Variants in MALRD1 observed in about 807,000 individuals in gnomAD.
The protein encoded by MALRD1 is MAM and LDL-receptor class A domain-containing protein 1.
In MALRD1, 247 loss-of-function variants were observed where a neutral mutation model predicts 242.1. The observed-to-expected ratio is 1.02, with a 90% CI of 0.92 to 1.13. The LOEUF (loss-of-function observed/expected upper bound fraction) is 1.13, where lower values mean the gene tolerates loss of function less well. MALRD1 is among the 50% of genes most tolerant of loss of function. The pLI is 0.00. For synonymous variants in MALRD1, 995 were observed against 866.6 expected (o/e 1.15, Z -2.60); for missense variants, 2,989 against 2,533.1 (o/e 1.18, Z -3.86).
rs565145039 is a variant in MALRD1 at position 19,673,072 on chromosome 10, C to A, written c.6138-19210C>A. Among the ~76,000 whole-genome samples, 3 of 152,218 alleles carry A rather than the reference C, an allele frequency of 2.0e-5. No individual in the cohort carries two copies. The South Asian group carries it at 6.2e-4, about 32-fold the overall frequency. On this transcript the variant is annotated intron_variant, in intron 36 of 39. Coordinates refer to ENST00000454679, the MANE Select transcript of MALRD1 (RefSeq NM_001142308.3). ...TTTTACTTCTCTCCCACAAGGTCCTCTGCTTTTTATACAAATTTATTTGCC... is the reference window on the plus strand; with the variant it reads ...TTTTACTTCTCTCCCACAAGGTCCTATGCTTTTTATACAAATTTATTTGCC...
intron 36 of MALRD1, among the ~76,000 whole-genome samples, chr10:19,661,237 G>C (rs1179447194): frequency 6.6e-6 from 1 of 152,144 alleles, no homozygotes; most frequent in Non-Finnish European, 1.5e-5. Context: ...CGATTCCTCA[G>C]GGATCTAGAA....
chr10:19,499,593 G>A (rs1299650341), intron 31 of MALRD1, among the ~76,000 whole-genome samples: 3 of 152,230 alleles, frequency 2.0e-5, no homozygotes, highest in South Asian at 2.1e-4. Flanking sequence ...ATAATGTCAT[G>A]AGCCAATTCC....
chr10:19,275,386 C>T (rs988820064), intron 19 of MALRD1, among the ~76,000 whole-genome samples: 2 of 152,028 alleles, frequency 1.3e-5, no homozygotes, highest in Non-Finnish European at 2.9e-5. Context: ...AATCAGAAAT[C>T]GGCCGGGTGC....
chr10:19,199,598 C>T (rs1836430052), intron 14 of MALRD1, among the ~76,000 whole-genome samples: 1 of 152,030 alleles, frequency 6.6e-6, no homozygotes, highest in Admixed American at 6.6e-5. Context: ...GTCAGGAGTT[C>T]AAAACCAGCC....
intron 4 of MALRD1, among the ~76,000 whole-genome samples, chr10:19,098,414 CAAA>C (rs1053556975): frequency 1.3e-5 from 2 of 152,066 alleles, no homozygotes; most frequent in African/African-American, 4.8e-5. Flanking sequence ...TTAATAAAGA[CAAA>C]AGATGAGCTT....
intron 5 of MALRD1, among the ~76,000 whole-genome samples, chr10:19,110,354 GT>G (rs1203629018): frequency 6.6e-6 from 1 of 152,198 alleles, no homozygotes; most frequent in Non-Finnish European, 1.5e-5. Flanking sequence ...ACTGGAACAT[GT>G]AAAGTTCTCG....
chr10:19,555,350 G>A (rs149816597), intron 32 of MALRD1, among the ~76,000 whole-genome samples: 26 of 152,226 alleles, frequency 1.7e-4, no homozygotes, highest in East Asian at 1.5e-3. Flanking sequence ...GTAAAGTAGC[G>A]TAGGAGGATT....
At chr10:19,624,614 C>T (rs1839563003) in intron 36 of MALRD1, among the ~76,000 whole-genome samples, 1 of 151,924 alleles carries the variant, frequency 6.6e-6, no homozygotes, top group Non-Finnish European at 1.5e-5. Flanking sequence ...ACCTATAATC[C>T]CAGCACTTTG....
chr10:19,124,525 G>A lies in MALRD1; in HGVS notation c.798G>A (p.Leu266=), dbSNP rs1359932765. 2.4e-6 allele frequency: 3 copies of A among 1,233,680 alleles called. No individual in the cohort carries two copies. Among genetic ancestry groups the A allele is most frequent in the Non-Finnish European group, 3.0e-6 (3 of 988,088 alleles). 76.4% of individuals were successfully genotyped at this position (1,233,680 alleles called of 1,614,324 possible). The stretch of plus-strand genomic sequence containing the variant: ...CCAAGATCTTTTTCTCCCGTTTAGT[G>A]TGTCAGGCCTGTGGGTTTGAATTTG... ...RFDATDEELR[L]CQACGFEFDM... is the part of the protein sequence containing the mutation. The change falls in exon 7 of 40, where the codon TTG becomes TTA. Residue 266 remains leucine (L), a splice_region_variant and synonymous_variant. Transcript: ENST00000454679.
chr10:19,238,463 A>AT (rs1554817755), intron 18 of MALRD1, among the ~76,000 whole-genome samples: 4 of 36,972 alleles, frequency 1.1e-4, no homozygotes, highest in South Asian at 1.4e-3. Flanking sequence ...TATAATATAT[A>AT]ATATAATATA....
intron 32 of MALRD1, among the ~76,000 whole-genome samples, chr10:19,554,802 TACCATTG>T (rs1835643912): frequency 6.6e-6 from 1 of 152,190 alleles, no homozygotes; most frequent in Admixed American, 6.6e-5. Context: ...TTATCCAGTC[TACCATTG>T]ACGGGCATTT....
intron 30 of MALRD1, among the ~76,000 whole-genome samples, chr10:19,494,477 C>T (rs915015497): frequency 4.7e-4 from 71 of 152,164 alleles, no homozygotes; most frequent in African/African-American, 1.7e-3. Flanking sequence ...TGGGTAGGAA[C>T]AAATACTATT....
chr10:19,299,224 A>G (rs1320860159), intron 21 of MALRD1, among the ~76,000 whole-genome samples: 2 of 151,978 alleles, frequency 1.3e-5, no homozygotes, highest in Non-Finnish European at 2.9e-5. Context: ...CACAAAATTA[A>G]TAGTATAAAA....
intron 31 of MALRD1, among the ~76,000 whole-genome samples, chr10:19,525,340 G>T (rs1834059497): frequency 6.6e-6 from 1 of 151,890 alleles, no homozygotes; most frequent in Non-Finnish European, 1.5e-5. Context: ...ACATCTAAAA[G>T]ACAAATTAGA....
intron 5 of MALRD1, among the ~76,000 whole-genome samples, chr10:19,117,774 A>G (rs1836922497): frequency 6.6e-6 from 1 of 152,194 alleles, no homozygotes; most frequent in Admixed American, 6.5e-5. Context: ...TTCCATAACC[A>G]ATTGCTTCAG....
At chr10:19,586,752 A>G (rs1253595490) in intron 33 of MALRD1, among the ~76,000 whole-genome samples, 2 of 152,204 alleles carry the variant, frequency 1.3e-5, no homozygotes, top group African/African-American at 2.4e-5. Context: ...GGTGGGCTCC[A>G]CCCAGTTCCA....
rs772478619 is a variant in MALRD1 at position 19,267,203 on chromosome 10, G to A, written c.3079+9432G>A. On this transcript the variant is annotated intron_variant, in intron 19 of 39. Transcript: ENST00000454679. Reference sequence around the variant, plus strand: ...CTTTTAAATTTTCAGATATCAGCATGCACATTAGAATTGTTACTAAAATTA... The same window carrying A: ...CTTTTAAATTTTCAGATATCAGCATACACATTAGAATTGTTACTAAAATTA... 5.9e-5 allele frequency among the ~76,000 whole-genome samples: 9 copies of A among 151,802 alleles called. No homozygotes were observed. The East Asian group carries it at 1.5e-3, about 26-fold the overall frequency.
intron 36 of MALRD1, among the ~76,000 whole-genome samples, chr10:19,628,767 A>G (rs1839787061): frequency 6.6e-6 from 1 of 152,198 alleles, no homozygotes; most frequent in Admixed American, 6.6e-5. Context: ...TTTTCAGGTA[A>G]GAAACAAAGG....
intron 13 of MALRD1, among the ~76,000 whole-genome samples, chr10:19,173,794 A>T (rs1835108014): frequency 6.6e-6 from 1 of 152,186 alleles, no homozygotes; most frequent in Non-Finnish European, 1.5e-5. Context: ...ATTGGCAGAA[A>T]TAATGAAGTG....
Sources: allele counts gnomAD v4.1 joint callset (sites outside exome capture counted in the v4.1 genomes callset), GRCh38; gene constraint gnomAD v4.1.1; transcripts MANE v1.5; gene names NCBI Gene and HGNC (gene_info 2026-07-23, HGNC 2026-07-21).